The following GPHN variants were observed in gnomAD, a reference collection of about 807,000 sequenced individuals.
GPHN encodes the protein gephyrin.
Under a neutral mutation model 95.5 loss-of-function variants are expected in GPHN, and 17 were observed. That is an observed-to-expected ratio of 0.18 (90% CI 0.12 to 0.27). The LOEUF (loss-of-function observed/expected upper bound fraction) is 0.27. Ranked by LOEUF, GPHN falls within the 10% of genes least tolerant of loss-of-function variation. The pLI, the probability that GPHN is intolerant of heterozygous loss-of-function variation, is 1.00. For missense variants in GPHN, 660 were observed against 978.1 expected (o/e 0.67, Z 4.34); for synonymous variants, 320 against 322.5 (o/e 0.99, Z 0.08).
At chr14:66,800,010 TATAAC>T (rs2060288171) in intron 3 of GPHN, among the ~76,000 whole-genome samples, 1 of 152,046 alleles carries the variant, frequency 6.6e-6, no homozygotes, top group Non-Finnish European at 1.5e-5. Context: ...AATACTATCT[TATAAC>T]ATATTATTTT....
At chr14:66,614,801 A>G (rs1014284402) in intron 1 of GPHN, among the ~76,000 whole-genome samples, 2 of 152,082 alleles carry the variant, frequency 1.3e-5, no homozygotes, top group Non-Finnish European at 2.9e-5. Flanking sequence ...GATTTGTTAC[A>G]TAGGTATACA....
At chr14:67,508,168 G>T in the GPHN span, among the ~76,000 whole-genome samples, 4 of 148,168 alleles carry the variant, frequency 2.7e-5, no homozygotes, top group Non-Finnish European at 4.4e-5. Flanking sequence ...ACTGGTCCTA[G>T]TCCCCCTTCT....
At chr14:67,110,111 TC>T in intron 13 of GPHN, 28 bp from the exon 14 acceptor site, 1 of 1,608,688 alleles carries the variant, frequency 6.2e-7, no homozygotes, top group Non-Finnish European at 8.5e-7. Context: ...GCAAAGTACA[TC>T]AACTGTCTTT....
intron 3 of GPHN, among the ~76,000 whole-genome samples, chr14:66,779,039 A>G (rs1330667596): frequency 6.6e-6 from 1 of 152,040 alleles, no homozygotes; most frequent in Non-Finnish European, 1.5e-5. Flanking sequence ...CACTGCGCCC[A>G]GCCTCAAGGG....
At chr14:67,596,572 C>A in the GPHN span, among the ~76,000 whole-genome samples, 6 of 152,216 alleles carry the variant, frequency 3.9e-5, no homozygotes, top group Non-Finnish European at 8.8e-5. Flanking sequence ...ACAAGATGCC[C>A]TCCTTTATCT....
intron 2 of GPHN, among the ~76,000 whole-genome samples, chr14:66,687,898 A>G (rs530666424): frequency 6.6e-6 from 1 of 152,178 alleles, no homozygotes; most frequent in Admixed American, 6.5e-5. Context: ...TCTTTCACCC[A>G]CTTGGTTAAA....
chr14:66,856,345 T>C (rs2062803882), intron 4 of GPHN, among the ~76,000 whole-genome samples: 1 of 152,148 alleles, frequency 6.6e-6, no homozygotes, highest in African/African-American at 2.4e-5. Flanking sequence ...AGAAAATTCA[T>C]ATGCTAGTGT....
the GPHN span, chr14:67,385,983 G>A: frequency 6.6e-6 from 1 of 152,054 alleles, no homozygotes; most frequent in African/African-American, 2.4e-5. Flanking sequence ...CCAGTACCTT[G>A]CCGAGACTTG....
the GPHN span, among the ~76,000 whole-genome samples, chr14:67,213,398 A>C: frequency 7.4e-6 from 1 of 135,342 alleles, no homozygotes. Context: ...CCCACCTATG[A>C]GTGAGAATAT....
chr14:66,668,710 A>G (rs1383619610), intron 1 of GPHN, among the ~76,000 whole-genome samples: 1 of 152,090 alleles, frequency 6.6e-6, no homozygotes, highest in Admixed American at 6.6e-5. Flanking sequence ...GTAATGAAAT[A>G]ATTGTTACAA....
At chr14:66,891,478 A>G (rs909417730) in intron 5 of GPHN, among the ~76,000 whole-genome samples, 1 of 152,108 alleles carries the variant, frequency 6.6e-6, no homozygotes, top group African/African-American at 2.4e-5. Flanking sequence ...TGCCTACTGA[A>G]TATAAAAATT....
chr14:67,224,974 C>G, the GPHN span: 6 of 685,744 alleles, frequency 8.7e-6, no homozygotes, highest in East Asian at 1.8e-4. Flanking sequence ...GTGGTTAGAA[C>G]ATAATCTGAA....
chr14:66,966,125 A>G (rs576395740), intron 9 of GPHN, among the ~76,000 whole-genome samples: 69 of 152,302 alleles, frequency 4.5e-4, no homozygotes, highest in Middle Eastern at 3.4e-3. Flanking sequence ...TTAATAAGAC[A>G]TGATGTTAGA....
intron 19 of GPHN, among the ~76,000 whole-genome samples, chr14:67,164,283 A>G (rs933140487): frequency 1.3e-5 from 2 of 151,446 alleles, no homozygotes; most frequent in Non-Finnish European, 2.9e-5. Flanking sequence ...AAAAAAAAAA[A>G]AAAAAAAAAA....
the GPHN span, chr14:67,562,010 G>A: frequency 1.2e-6 from 2 of 1,613,814 alleles, no homozygotes; most frequent in East Asian, 4.5e-5. Context: ...TGGAGCAGGT[G>A]GGATCCCTTC....
At chr14:67,361,231 T>C in the GPHN span, among the ~76,000 whole-genome samples, 116 of 152,290 alleles carry the variant, frequency 7.6e-4, 4 homozygotes, top group South Asian at 0.024. Flanking sequence ...GCAAAAAACA[T>C]GGTTTCTTCG....
chr14:67,002,309 C>CTTTTTTTTTT (rs1177817698), intron 9 of GPHN, among the ~76,000 whole-genome samples: 103 of 58,738 alleles, frequency 1.8e-3, no homozygotes, highest in East Asian at 2.2e-3. Context: ...CTTTGTGTTG[C>CTTTTTTTTTT]TTTTTTTTTT....
intron 1 of GPHN, among the ~76,000 whole-genome samples, chr14:66,568,154 G>C (rs2060537364): frequency 6.6e-6 from 1 of 152,024 alleles, no homozygotes; most frequent in East Asian, 1.9e-4. Context: ...TTTCATTAGT[G>C]GTGTTATTAG....
At chr14:67,270,437 T>A in the GPHN span, 1 of 150,520 alleles carries the variant, frequency 6.6e-6, no homozygotes, top group African/African-American at 2.4e-5. Context: ...TCTTTCTTAT[T>A]TTTTTTTTAA....
Sources: allele counts gnomAD v4.1 joint callset (sites outside exome capture counted in the v4.1 genomes callset), GRCh38; gene constraint gnomAD v4.1.1; transcripts MANE v1.5; gene names NCBI Gene and HGNC (gene_info 2026-07-23, HGNC 2026-07-21).